Variants in ST3GAL3 observed in about 807,000 individuals in gnomAD.
The protein encoded by ST3GAL3 is CMP-N-acetylneuraminate-beta-1,4-galactoside alpha-2,3-sialyltransferase.
A neutral mutation model predicts 50.1 loss-of-function variants in ST3GAL3; 21 were observed. That is an observed-to-expected ratio of 0.42 (90% CI 0.30 to 0.60). The LOEUF (loss-of-function observed/expected upper bound fraction) is 0.60. Ranked by LOEUF, ST3GAL3 falls within the 20% of genes least tolerant of loss-of-function variation. ST3GAL3 has a pLI of 0.19. For synonymous variants in ST3GAL3, 183 were observed against 190.0 expected, an observed-to-expected ratio of 0.96 and a Z score of 0.30; for missense variants, 353 against 489.4, an observed-to-expected ratio of 0.72 and a Z score of 2.63.
At chr1:43,713,599 C>G (rs888600601) in intron 1 of ST3GAL3, among the ~76,000 whole-genome samples, 3 of 146,330 alleles carry the variant, frequency 2.1e-5, no homozygotes, top group Non-Finnish European at 4.5e-5. Context: ...GATATGATCA[C>G]GATTCACTGC....
At chr1:43,719,369 C>T (rs1571298700) in intron 1 of ST3GAL3, among the ~76,000 whole-genome samples, 1 of 152,022 alleles carries the variant, frequency 6.6e-6, no homozygotes, top group East Asian at 1.9e-4. Flanking sequence ...TAAGAATAAG[C>T]GGTGGCTTGG....
At chr1:43,767,342 T>C (rs1693461154) in intron 2 of ST3GAL3, among the ~76,000 whole-genome samples, 1 of 152,036 alleles carries the variant, frequency 6.6e-6, no homozygotes, top group Non-Finnish European at 1.5e-5. Flanking sequence ...ATATAGAGTC[T>C]CTGGGGGATG....
intron 3 of ST3GAL3, among the ~76,000 whole-genome samples, chr1:43,805,234 G>A (rs1250698194): frequency 2.0e-5 from 3 of 152,206 alleles, no homozygotes; most frequent in African/African-American, 7.2e-5. Flanking sequence ...GCAGGAACAA[G>A]TGGTCCCCCT....
At chr1:43,807,018 A>ATTTC (rs2059968683) in intron 3 of ST3GAL3, among the ~76,000 whole-genome samples, 1 of 152,206 alleles carries the variant, frequency 6.6e-6, no homozygotes, top group African/African-American at 2.4e-5. Context: ...AAAGAGAAAG[A>ATTTC]TATGTTCAAA....
intron 5 of ST3GAL3, among the ~76,000 whole-genome samples, chr1:43,870,367 G>A (rs11800217): frequency 0.032 from 4,926 of 152,352 alleles, 261 homozygotes; most frequent in African/African-American, 0.11. Flanking sequence ...CCAGCAGGAG[G>A]TCTGCTTAGG....
chr1:43,775,088 A>G (rs756367744), intron 2 of ST3GAL3, among the ~76,000 whole-genome samples: 2 of 152,070 alleles, frequency 1.3e-5, no homozygotes, highest in Non-Finnish European at 2.9e-5. Flanking sequence ...TCTCTTTCCT[A>G]GTGTAAGAGC....
intron 2 of ST3GAL3, among the ~76,000 whole-genome samples, chr1:43,774,773 A>C (rs920695952): frequency 1.1e-4 from 16 of 152,184 alleles, no homozygotes; most frequent in African/African-American, 3.9e-4. Context: ...TTCATTCATT[A>C]ATTTCTCACT....
At chr1:43,719,667 A>G (rs1571308166) in intron 1 of ST3GAL3, among the ~76,000 whole-genome samples, 1 of 148,614 alleles carries the variant, frequency 6.7e-6, no homozygotes. Flanking sequence ...TCTGTCTCAA[A>G]AAAAAAAGAA....
intron 9 of ST3GAL3, among the ~76,000 whole-genome samples, chr1:43,906,271 C>T (rs1160556114): frequency 1.8e-5 from 2 of 108,762 alleles, no homozygotes; most frequent in Admixed American, 1.9e-4. Context: ...GACTCCTCCT[C>T]CTCCTCTTCC....
At chr1:43,727,059 AT>A (rs1673271480) in intron 1 of ST3GAL3, among the ~76,000 whole-genome samples, 1 of 152,002 alleles carries the variant, frequency 6.6e-6, no homozygotes, top group African/African-American at 2.4e-5. Context: ...CTCCCCCTTT[AT>A]TAGATTCTTA....
At chr1:43,723,079 G>A (rs1267862257) in intron 1 of ST3GAL3, among the ~76,000 whole-genome samples, 4 of 151,754 alleles carry the variant, frequency 2.6e-5, no homozygotes, top group Non-Finnish European at 5.9e-5. Context: ...GGTTATTTAA[G>A]AGGGTAGCAA....
At chr1:43,833,365 A>G (rs1366140498) in intron 4 of ST3GAL3, among the ~76,000 whole-genome samples, 2 of 152,178 alleles carry the variant, frequency 1.3e-5, no homozygotes, top group Middle Eastern at 3.2e-3. Flanking sequence ...TTAAATGGAC[A>G]ATTACTCTTC....
intron 2 of ST3GAL3, among the ~76,000 whole-genome samples, chr1:43,790,778 C>T (rs181803725): frequency 1.2e-3 from 183 of 151,810 alleles, no homozygotes; most frequent in Non-Finnish European, 2.2e-3. Context: ...ACTACAGGCA[C>T]GCGTACCACG....
intron 9 of ST3GAL3, among the ~76,000 whole-genome samples, chr1:43,902,415 G>A (rs183936171): frequency 2.6e-5 from 4 of 152,196 alleles, no homozygotes; most frequent in Non-Finnish European, 5.9e-5. Context: ...GAAGGGGCAG[G>A]GGGGAAGATG....
At chr1:43,752,657 C>G (rs921080384) in intron 2 of ST3GAL3, among the ~76,000 whole-genome samples, 13 of 152,218 alleles carry the variant, frequency 8.5e-5, no homozygotes, top group African/African-American at 3.1e-4. Context: ...GTGCACACCA[C>G]CATGCCTGGC....
intron 3 of ST3GAL3, among the ~76,000 whole-genome samples, chr1:43,797,000 A>G (rs928733444): frequency 6.6e-6 from 1 of 152,176 alleles, no homozygotes; most frequent in Non-Finnish European, 1.5e-5. Context: ...CCTGGGCAAC[A>G]TTGCAGAGAA....
At chr1:43,879,124 T>C (rs2527777) in intron 5 of ST3GAL3, 72,048 of 449,650 alleles carry the variant, frequency 0.16, 7,266 homozygotes, top group African/African-American at 0.34. Context: ...AGGTGACATT[T>C]CAACAGAAAT....
intron 2 of ST3GAL3, among the ~76,000 whole-genome samples, chr1:43,784,099 T>C (rs6692652): frequency 0.35 from 53,210 of 151,896 alleles, 10,166 homozygotes; most frequent in East Asian, 0.5. Context: ...TCAGTGCCTT[T>C]CCATAGCTGT....
rs6801 is a variant in ST3GAL3 at position 43,930,974 on chromosome 1, C to G, written c.*753C>G. 0.6 allele frequency: 93,174 copies of G among 154,764 alleles called. 32,464 individuals are homozygous for G. The highest frequency in any genetic ancestry group is 0.78 in the Non-Finnish European group (54,420 of 69,498). 9.6% of individuals were successfully genotyped at this position (154,764 alleles called of 1,614,324 possible). On this transcript the variant is annotated 3_prime_UTR_variant, in exon 12 of 12. Coordinates refer to ENST00000347631, the MANE Select transcript of ST3GAL3 (RefSeq NM_006279.5). ...GCTCCCCTCCACAGCTGCAGCTGAT[C>G]CATAGGACTACCGCAGGCCCGGACT...
Sources: gnomAD v4.1 joint callset for allele counts (sites outside exome capture counted in the v4.1 genomes callset) on GRCh38, gnomAD v4.1.1 for gene constraint, MANE v1.5 for transcripts, NCBI Gene and HGNC (gene_info 2026-07-23, HGNC 2026-07-21) for gene names.